CNTNAP4: variants seen among roughly 807,000 people sequenced by gnomAD.
CNTNAP4 encodes the protein contactin-associated protein-like 4.
CNTNAP4 carries 98 observed loss-of-function variants against 148.4 expected under a neutral mutation model. The ratio of observed to expected loss-of-function variants is 0.66; its 90% CI spans 0.56 to 0.78. The LOEUF (loss-of-function observed/expected upper bound fraction) is 0.78, where lower values mean the gene tolerates loss of function less well. Among genes scored for constraint, CNTNAP4 ranks in the 30% least tolerant of loss-of-function variants. CNTNAP4 has a pLI of 0.00. For synonymous variants in CNTNAP4, 730 were observed against 565.1 expected (o/e 1.29, Z -4.14); for missense variants, 1,935 against 1,565.6 (o/e 1.24, Z -3.98).
At chr16:76,414,192 A>G (rs1355399912) in intron 3 of CNTNAP4, among the ~76,000 whole-genome samples, 2 of 151,388 alleles carry the variant, frequency 1.3e-5, no homozygotes, top group Non-Finnish European at 3.0e-5. Flanking sequence ...TGATTTTTAC[A>G]GATACTCTTT....
At chr16:76,397,702 G>C (rs1038595566) in intron 3 of CNTNAP4, among the ~76,000 whole-genome samples, 3 of 151,466 alleles carry the variant, frequency 2.0e-5, no homozygotes, top group African/African-American at 7.3e-5. Flanking sequence ...GGACCATAAA[G>C]TACTAGTGCT....
intron 3 of CNTNAP4, among the ~76,000 whole-genome samples, chr16:76,382,067 A>T (rs2016037865): frequency 6.7e-6 from 1 of 148,934 alleles, no homozygotes; most frequent in Admixed American, 6.6e-5. Flanking sequence ...TCTCAAAAAA[A>T]AAAAAAAAAA....
Position 76,558,496 on chromosome 16 carries a change from T to C in CNTNAP4, c.3740T>C (p.Ile1247Thr). 1.3e-6 allele frequency: 2 copies of C among 1,586,880 alleles called. No homozygotes were observed. Among genetic ancestry groups the C allele is most frequent in the East Asian group, 2.2e-5 (1 of 44,732 alleles). Reference sequence around the variant, plus strand: ...ATTTCTTTTCTCTCTCTAGGTCTGATAGCTGTTGTGATTTTTATCTTGCTT... The same window carrying C: ...ATTTCTTTTCTCTCTCTAGGTCTGACAGCTGTTGTGATTTTTATCTTGCTT... ...KSDSAVIGGLIAVVIFILLCI... is the reference protein window; with the variant it reads ...KSDSAVIGGLTAVVIFILLCI... The change falls in exon 24 of 24, where the codon ATA becomes ACA. Residue 1247 changes from isoleucine to threonine, a missense_variant. Physicochemically the swap from Ile to Thr is moderately conservative, Grantham distance 89 (BLOSUM62 -1). Coordinates refer to ENST00000611870, the MANE Select transcript of CNTNAP4 (RefSeq NM_033401.5).
chr16:76,424,953 T>G (rs887410679), intron 3 of CNTNAP4, among the ~76,000 whole-genome samples: 1 of 152,096 alleles, frequency 6.6e-6, no homozygotes, highest in South Asian at 2.1e-4. Context: ...ATCATCGGGA[T>G]TGCCATAGAA....
chr16:76,332,312 G>A (rs1230285343), intron 2 of CNTNAP4, among the ~76,000 whole-genome samples: 1 of 152,126 alleles, frequency 6.6e-6, no homozygotes, highest in Non-Finnish European at 1.5e-5. Context: ...CCAGGCTGGA[G>A]TGCAGTGGTG....
chr16:76,290,993 T>C (rs1352518391), intron 1 of CNTNAP4, among the ~76,000 whole-genome samples: 1 of 152,136 alleles, frequency 6.6e-6, no homozygotes, highest in East Asian at 1.9e-4. Flanking sequence ...CTGGTGTCTC[T>C]TACTCTTCTT....
At position 76,413,848 on chromosome 16, in the gene CNTNAP4, A is replaced by G. The variant is rs562561632; in HGVS notation, c.391-13604A>G. ...TTACAGTTAAATAATATAGTTTGAT[A>G]CTAATGTAAATGTCATTCAAAAATT... On this transcript the variant is annotated intron_variant, in intron 3 of 23. Coordinates refer to ENST00000611870, the MANE Select transcript of CNTNAP4 (RefSeq NM_033401.5). 8.6e-5 allele frequency among the ~76,000 whole-genome samples: 13 copies of G among 151,472 alleles called. No individual in the cohort carries two copies. In the South Asian group the frequency reaches 2.7e-3, roughly 31 times the overall value.
At chr16:76,363,134 G>T (rs567492396) in intron 3 of CNTNAP4, among the ~76,000 whole-genome samples, 19 of 148,818 alleles carry the variant, frequency 1.3e-4, no homozygotes, top group African/African-American at 4.4e-4. Flanking sequence ...ATATCCACAT[G>T]CAAAACAATG....
Position 76,419,644 on chromosome 16 carries a change from C to G in CNTNAP4, c.391-7808C>G, listed in dbSNP as rs543044273. 8.5e-5 allele frequency among the ~76,000 whole-genome samples: 13 copies of G among 152,104 alleles called. No individual in the cohort carries two copies. The South Asian group carries it at 2.7e-3, about 32-fold the overall frequency. Reference sequence around the variant, plus strand: ...CTCTGACTCTTTGGATGGTCCCGTCCCTCTAGATTTCAGCATGGTGGTGTG... The same window carrying G: ...CTCTGACTCTTTGGATGGTCCCGTCGCTCTAGATTTCAGCATGGTGGTGTG... On this transcript the variant is annotated intron_variant, in intron 3 of 23. Coordinates refer to ENST00000611870, the MANE Select transcript of CNTNAP4 (RefSeq NM_033401.5).
intron 15 of CNTNAP4, among the ~76,000 whole-genome samples, chr16:76,503,662 A>G (rs1332305361): frequency 1.3e-5 from 2 of 152,006 alleles, no homozygotes; most frequent in African/African-American, 4.8e-5. Flanking sequence ...ATATCTCCTA[A>G]TGCTATCCCT....
At position 76,521,201 on chromosome 16, in the gene CNTNAP4, C is replaced by A. The variant is rs753331568; in HGVS notation, c.2427C>A (p.Phe809Leu). Residue 809 changes from phenylalanine to leucine, a missense_variant, in exon 16 of 24, where the codon TTC becomes TTA. Transcript: ENST00000611870. ...CTTCATATCTTCATTTTCCTACCTT[C>A]CACGGAGAACTTAGCGCGGATGTAT... ...TEASYLHFPT[F>L]HGELSADVSF... 1 of 1,611,650 alleles carries A rather than the reference C, an allele frequency of 6.2e-7. No homozygotes were observed. Among genetic ancestry groups the A allele is most frequent in the East Asian group, 2.2e-5 (1 of 44,744 alleles).
chr16:76,483,081 T>G (rs1041728626), intron 12 of CNTNAP4, among the ~76,000 whole-genome samples: 8 of 152,104 alleles, frequency 5.3e-5, no homozygotes, highest in African/African-American at 1.9e-4. Flanking sequence ...TGAGTGAGAT[T>G]TATGTAACAA....
intron 15 of CNTNAP4, among the ~76,000 whole-genome samples, chr16:76,514,247 G>A (rs951040306): frequency 6.6e-6 from 1 of 152,104 alleles, no homozygotes; most frequent in African/African-American, 2.4e-5. Flanking sequence ...ACTTAGATAA[G>A]TGTTACTTAT....
intron 12 of CNTNAP4, among the ~76,000 whole-genome samples, chr16:76,485,591 G>A (rs529864649): frequency 1.5e-4 from 23 of 152,144 alleles, no homozygotes; most frequent in Middle Eastern, 3.4e-3. Context: ...CCTTCTCATG[G>A]TCCCATTACT....
chr16:76,486,674 T>G (rs1002375691), intron 12 of CNTNAP4, among the ~76,000 whole-genome samples: 6 of 152,234 alleles, frequency 3.9e-5, no homozygotes, highest in African/African-American at 1.4e-4. Flanking sequence ...TGCATTTGCT[T>G]ATTTTCTAAG....
intron 2 of CNTNAP4, among the ~76,000 whole-genome samples, chr16:76,350,214 A>G (rs1385723557): frequency 1.3e-5 from 2 of 152,188 alleles, no homozygotes; most frequent in African/African-American, 4.8e-5. Flanking sequence ...AGAATGAAAA[A>G]TGGGGTGATA....
chr16:76,434,391 G>A (rs1011669702), intron 4 of CNTNAP4, among the ~76,000 whole-genome samples: 2 of 152,114 alleles, frequency 1.3e-5, no homozygotes, highest in Non-Finnish European at 2.9e-5. Context: ...TGGAGAAAAA[G>A]GCATTTGCCA....
intron 7 of CNTNAP4, 79 bp downstream of exon 7, chr16:76,449,937 C>A: frequency 7.8e-7 from 1 of 1,280,674 alleles, no homozygotes; most frequent in Non-Finnish European, 1.1e-6. Flanking sequence ...TTTTAGGTTC[C>A]CATTTGACAT....
intron 4 of CNTNAP4, among the ~76,000 whole-genome samples, chr16:76,441,202 G>A (rs560898157): frequency 6.6e-6 from 1 of 152,068 alleles, no homozygotes; most frequent in East Asian, 1.9e-4. Context: ...TTGACTATAA[G>A]CTCTTTCAAA....
Sources: allele counts gnomAD v4.1 joint callset (sites outside exome capture counted in the v4.1 genomes callset), GRCh38; gene constraint gnomAD v4.1.1; transcripts MANE v1.5; gene names NCBI Gene and HGNC (gene_info 2026-07-23, HGNC 2026-07-21).